Variants in ABCC1 observed in about 807,000 individuals in gnomAD.
ABCC1 encodes the protein ATP binding cassette subfamily C member 1 (ABCC1 blood group), also known as multidrug resistance-associated protein 1.
A neutral mutation model predicts 172.9 loss-of-function variants in ABCC1; 83 were observed. That is an observed-to-expected ratio of 0.48 (90% CI 0.40 to 0.58). The LOEUF (loss-of-function observed/expected upper bound fraction) is 0.58. Among genes scored for constraint, ABCC1 ranks in the 20% least tolerant of loss-of-function variants. ABCC1 has a pLI of 0.00. For missense variants in ABCC1, 1,817 were observed against 2,002.7 expected (o/e 0.91, Z 1.77); for synonymous variants, 937 against 825.2 (o/e 1.14, Z -2.32).
chr16:16,055,273 C>T (rs1160748105), intron 11 of ABCC1, among the ~76,000 whole-genome samples: 1 of 152,092 alleles, frequency 6.6e-6, no homozygotes, highest in Non-Finnish European at 1.5e-5. Flanking sequence ...AGAAAACAGG[C>T]TGGGTGCGGT....
chr16:16,124,413 G>GTA (rs1275957159), intron 24 of ABCC1, among the ~76,000 whole-genome samples: 10 of 148,752 alleles, frequency 6.7e-5, no homozygotes, highest in Non-Finnish European at 1.2e-4. Flanking sequence ...GTGTGTGTAT[G>GTA]TGTGTGTGTG....
intron 19 of ABCC1, among the ~76,000 whole-genome samples, chr16:16,092,016 T>A (rs1428038997): frequency 6.6e-6 from 1 of 152,138 alleles, no homozygotes; most frequent in African/African-American, 2.4e-5. Flanking sequence ...CACAGGTGGA[T>A]CACCTGAGGT....
chr16:16,094,476 A>T (rs554904293), intron 19 of ABCC1: 1 of 167,054 alleles, frequency 6.0e-6, no homozygotes, highest in South Asian at 1.5e-4. Flanking sequence ...TTGTACGTGC[A>T]TACCTTTGAT....
chr16:16,005,991 C>G (rs1450608198), intron 1 of ABCC1, among the ~76,000 whole-genome samples: 2 of 123,070 alleles, frequency 1.6e-5, no homozygotes, highest in Non-Finnish European at 3.5e-5. Flanking sequence ...AAGACTCTGT[C>G]AAGAAAAAAA....
rs1342685820 is a variant in ABCC1, at chr16:16,124,079, T to C, written c.3591-710T>C. Among the ~76,000 whole-genome samples the C allele has an allele frequency of 3.3e-5, 5 of 152,298 alleles. No individual in the cohort carries two copies. In the South Asian group the frequency reaches 8.3e-4, roughly 25 times the overall value. On this transcript the variant is annotated intron_variant, in intron 24 of 30. Transcript: ENST00000399410. ...CTATTTTAAAGGGTAAAATAGTATA[T>C]TTTAACACTTTGAAATGAAGAGTCT...
At chr16:16,017,626 C>T (rs572166638) in intron 5 of ABCC1, among the ~76,000 whole-genome samples, 7 of 152,224 alleles carry the variant, frequency 4.6e-5, no homozygotes, top group Non-Finnish European at 7.4e-5. Context: ...GGGAGATGGT[C>T]TCAAACCCCT....
intron 22 of ABCC1, among the ~76,000 whole-genome samples, chr16:16,114,047 G>A (rs1303148578): frequency 1.3e-5 from 2 of 152,210 alleles, no homozygotes; most frequent in African/African-American, 4.8e-5. Context: ...GTCATGAGCT[G>A]CTGCCAATCT....
chr16:15,964,454 A>G (rs1400175733), intron 1 of ABCC1, among the ~76,000 whole-genome samples: 1 of 152,146 alleles, frequency 6.6e-6, no homozygotes, highest in Admixed American at 6.5e-5. Flanking sequence ...ACCTCCCATG[A>G]TGTCCCTTCC....
chr16:16,103,085 C>G (rs897114864), intron 20 of ABCC1, among the ~76,000 whole-genome samples: 1 of 152,102 alleles, frequency 6.6e-6, no homozygotes, highest in Non-Finnish European at 1.5e-5. Flanking sequence ...TGTGGTGGCT[C>G]CTGCTTGTAA....
intron 19 of ABCC1, among the ~76,000 whole-genome samples, chr16:16,094,767 G>A (rs564020250): frequency 2.7e-5 from 4 of 150,148 alleles, no homozygotes; most frequent in South Asian, 4.2e-4. Context: ...CGCCCGCCTC[G>A]GCCTCCCAAA....
intron 11 of ABCC1, among the ~76,000 whole-genome samples, chr16:16,055,606 CTG>C (rs1414065410): frequency 6.6e-6 from 1 of 151,998 alleles, no homozygotes; most frequent in Non-Finnish European, 1.5e-5. Flanking sequence ...ACCATGTCTC[CTG>C]TGTTTGGGTC....
chr16:16,022,497 G>C (rs2048227848), intron 5 of ABCC1, among the ~76,000 whole-genome samples: 1 of 152,092 alleles, frequency 6.6e-6, no homozygotes, highest in South Asian at 2.1e-4. Flanking sequence ...TCATTTATTA[G>C]GTCCCAGCTG....
intron 12 of ABCC1, among the ~76,000 whole-genome samples, chr16:16,059,729 C>G (rs1472544185): frequency 6.6e-6 from 1 of 151,946 alleles, no homozygotes; most frequent in East Asian, 1.9e-4. Context: ...CGCTTCAACC[C>G]AGGAGGCAGA....
At chr16:15,997,364 T>C (rs1189305408) in intron 1 of ABCC1, among the ~76,000 whole-genome samples, 1 of 152,204 alleles carries the variant, frequency 6.6e-6, no homozygotes, top group Non-Finnish European at 1.5e-5. Flanking sequence ...GTGCTAGGAT[T>C]ATAGGCGTGA....
intron 7 of ABCC1, among the ~76,000 whole-genome samples, chr16:16,037,696 C>G (rs896055083): frequency 6.6e-6 from 1 of 152,124 alleles, no homozygotes. Context: ...TCCCCACAGA[C>G]CCATTGGCCT....
At chr16:16,100,052 A>G (rs1332976617) in intron 19 of ABCC1, among the ~76,000 whole-genome samples, 1 of 152,052 alleles carries the variant, frequency 6.6e-6, no homozygotes, top group African/African-American at 2.4e-5. Context: ...CACCAGTGCA[A>G]TCCAGCCTGG....
chr16:16,052,682 T>C (rs1390032440), intron 10 of ABCC1, 42 bp from the exon 11 acceptor site: 2 of 1,600,894 alleles, frequency 1.2e-6, no homozygotes, highest in African/African-American at 1.3e-5. Flanking sequence ...CCCTGTTTTC[T>C]TCTGTCTGGT....
chr16:15,992,405 C>CT (rs2046898841), intron 1 of ABCC1, among the ~76,000 whole-genome samples: 1 of 152,062 alleles, frequency 6.6e-6, no homozygotes, highest in Non-Finnish European at 1.5e-5. Flanking sequence ...GGATGGCTGT[C>CT]TTTTTTTCTT....
chr16:16,086,030 T>G (rs913299981), intron 17 of ABCC1, among the ~76,000 whole-genome samples: 2 of 152,172 alleles, frequency 1.3e-5, no homozygotes, highest in Non-Finnish European at 2.9e-5. Context: ...ATATGTGGCT[T>G]TGCCAGACAG....
Sources: gnomAD v4.1 joint callset for allele counts (sites outside exome capture counted in the v4.1 genomes callset) on GRCh38, gnomAD v4.1.1 for gene constraint, MANE v1.5 for transcripts, NCBI Gene and HGNC (gene_info 2026-07-23, HGNC 2026-07-21) for gene names.